Variants in NRXN1 observed in about 807,000 individuals in gnomAD.
The protein encoded by NRXN1 is neurexin 1.
NRXN1 carries 39 observed loss-of-function variants against 150.9 expected under a neutral mutation model. The observed-to-expected ratio is 0.26, with a 90% CI of 0.20 to 0.34. The LOEUF is 0.34. NRXN1 is among the 10% of genes least tolerant of loss of function. NRXN1 has a pLI of 1.00. For synonymous variants in NRXN1, 924 were observed against 757.0 expected (o/e 1.22, Z -3.62); for missense variants, 1,815 against 1,949.9 (o/e 0.93, Z 1.30).
intron 5 of NRXN1, among the ~76,000 whole-genome samples, chr2:50,803,957 A>T (rs1406704076): frequency 6.6e-6 from 1 of 152,166 alleles, no homozygotes; most frequent in Non-Finnish European, 1.5e-5. Context: ...TAAACTTCAG[A>T]AGCTTTGTTG....
intron 17 of NRXN1, among the ~76,000 whole-genome samples, chr2:50,310,515 G>T (rs568024313): frequency 5.3e-5 from 8 of 152,246 alleles, no homozygotes; most frequent in African/African-American, 1.9e-4. Flanking sequence ...TGCTCAAATA[G>T]AGTCCTCCTC....
At chr2:50,593,559 A>G (rs1674637311) in intron 8 of NRXN1, among the ~76,000 whole-genome samples, 1 of 152,264 alleles carries the variant, frequency 6.6e-6, no homozygotes, top group Admixed American at 6.5e-5. Context: ...AATCAAATAG[A>G]CTGAAATGCA....
chr2:50,388,301 A>G (rs2081460012), intron 17 of NRXN1, among the ~76,000 whole-genome samples: 1 of 152,210 alleles, frequency 6.6e-6, no homozygotes, highest in Admixed American at 6.5e-5. Flanking sequence ...AACAATAAAT[A>G]TAATGTACCT....
chr2:50,208,520 T>A (rs1289580013), intron 18 of NRXN1, among the ~76,000 whole-genome samples: 3 of 152,106 alleles, frequency 2.0e-5, no homozygotes, highest in Non-Finnish European at 4.4e-5. Context: ...TCTTCCAGCA[T>A]ATGACATTCA....
Position 49,919,842 on chromosome 2 carries a change from A to G in NRXN1, c.*2102T>C, listed in dbSNP as rs1471004384. On this transcript the variant is annotated 3_prime_UTR_variant, in exon 23 of 23. Transcript: ENST00000401669. ...AGTGGTGATTTGCTATGAATTATAC[A>G]TATTTCTAAGGTGCTGTATGTCTGA... 1 of 152,164 alleles carries G rather than the reference A, an allele frequency of 6.6e-6. No homozygotes were observed. The highest frequency in any genetic ancestry group is 2.4e-5 in the African/African-American group (1 of 41,454). The allele number at this position is 152,164 out of a possible 1,614,324, so 9.4% of individuals were successfully genotyped here.
At chr2:50,300,327 G>C (rs1173436363) in intron 17 of NRXN1, among the ~76,000 whole-genome samples, 1 of 152,158 alleles carries the variant, frequency 6.6e-6, no homozygotes, top group Non-Finnish European at 1.5e-5. Context: ...TGTTGTCACA[G>C]AACTGAAAAT....
chr2:49,930,869 AG>A (rs1572900192), intron 22 of NRXN1, among the ~76,000 whole-genome samples: 3 of 152,256 alleles, frequency 2.0e-5, no homozygotes, highest in Admixed American at 2.0e-4. Flanking sequence ...GTGAAAGCCA[AG>A]AACTGTGTGG....
intron 5 of NRXN1, among the ~76,000 whole-genome samples, chr2:50,642,336 C>T (rs1225418147): frequency 2.6e-5 from 4 of 151,932 alleles, no homozygotes; most frequent in Non-Finnish European, 4.4e-5. Flanking sequence ...TATTGAGATA[C>T]ATTTCATTAC....
Position 50,286,570 on chromosome 2 carries a change from C to A in NRXN1, c.3365-49600G>T, listed in dbSNP as rs544092853. On this transcript the variant is annotated intron_variant, in intron 17 of 22. Transcript: ENST00000401669. ...AAATTTATGTAAAGCAGTTAACTAG[C>A]AAAAGCAGTTAACAATAACATCTTA... Among the ~76,000 whole-genome samples, 4 of 152,068 alleles carry A rather than the reference C, an allele frequency of 2.6e-5. No individual in the cohort carries two copies. The South Asian group carries it at 8.3e-4, about 32-fold the overall frequency.
chr2:50,527,326 C>A (rs1465380199), intron 12 of NRXN1, among the ~76,000 whole-genome samples: 1 of 152,028 alleles, frequency 6.6e-6, no homozygotes, highest in Non-Finnish European at 1.5e-5. Flanking sequence ...ATTAGATGTG[C>A]AAAATGTATA....
At chr2:50,826,087 A>G (rs1670410799) in intron 5 of NRXN1, among the ~76,000 whole-genome samples, 1 of 152,208 alleles carries the variant, frequency 6.6e-6, no homozygotes, top group African/African-American at 2.4e-5. Flanking sequence ...AGTTTCAGAG[A>G]GTGATCCATG....
At chr2:50,204,830 A>G (rs1173221378) in intron 18 of NRXN1, among the ~76,000 whole-genome samples, 2 of 152,096 alleles carry the variant, frequency 1.3e-5, no homozygotes, top group Non-Finnish European at 2.9e-5. Context: ...ATACCAAAAA[A>G]AATCTGGATT....
At chr2:50,027,023 A>T (rs1363566603) in intron 21 of NRXN1, among the ~76,000 whole-genome samples, 1 of 151,560 alleles carries the variant, frequency 6.6e-6, no homozygotes, top group Admixed American at 6.6e-5. Context: ...CTGAGACTAC[A>T]GGTGTGTGCC....
In NRXN1 at chr2:51,028,058, G is replaced by A. The variant is rs1670878804; in HGVS notation, c.216C>T (p.Asp72=). The stretch of plus-strand genomic sequence containing the variant: ...GCTCCAGGAAGTCGCAGAAGCCCTC[G>A]TCGTCGAAGTAGAGCACGAGGCCGC... ...SARGLVLYFD[D]EGFCDFLELI... is the part of the protein sequence containing the mutation. The change falls in exon 2 of 23, where the codon GAC becomes GAT. Residue 72 remains aspartate (D), a synonymous_variant. Transcript: ENST00000401669. The A allele has an allele frequency of 1.9e-6, 3 of 1,597,972 alleles. No homozygotes were observed. The highest frequency in any genetic ancestry group is 1.7e-6 in the Non-Finnish European group (2 of 1,176,170).
chr2:50,357,331 A>C (rs967698871), intron 17 of NRXN1, among the ~76,000 whole-genome samples: 1 of 146,288 alleles, frequency 6.8e-6, no homozygotes, highest in African/African-American at 2.5e-5. Context: ...ATTTTGAGAC[A>C]AAGTTTCACT....
At chr2:50,541,823 T>G (rs535341630) in intron 9 of NRXN1, among the ~76,000 whole-genome samples, 1 of 151,716 alleles carries the variant, frequency 6.6e-6, no homozygotes. Context: ...TTAAAACAAA[T>G]GCTGGACCAT....
At chr2:50,027,525 C>G (rs1688544494) in intron 21 of NRXN1, among the ~76,000 whole-genome samples, 1 of 152,096 alleles carries the variant, frequency 6.6e-6, no homozygotes, top group African/African-American at 2.4e-5. Context: ...TCACTGGAGA[C>G]TTGACCTCCG....
chr2:50,251,359 T>C (rs2067057141), intron 17 of NRXN1, among the ~76,000 whole-genome samples: 1 of 125,584 alleles, frequency 8.0e-6, no homozygotes, highest in Non-Finnish European at 1.8e-5. Flanking sequence ...GAAGACACGA[T>C]CTCAGTCCTT....
chr2:50,833,646 G>C (rs1671710173), intron 5 of NRXN1, among the ~76,000 whole-genome samples: 2 of 152,160 alleles, frequency 1.3e-5, no homozygotes, highest in African/African-American at 4.8e-5. Context: ...GTAAAGGTGG[G>C]AGAAGAGTAT....
Sources: allele counts gnomAD v4.1 joint callset (sites outside exome capture counted in the v4.1 genomes callset), GRCh38; gene constraint gnomAD v4.1.1; transcripts MANE v1.5; gene names NCBI Gene and HGNC (gene_info 2026-07-23, HGNC 2026-07-21).